The following ARGLU1 variants were observed in gnomAD, a reference collection of about 807,000 sequenced individuals.
The protein encoded by ARGLU1 is arginine and glutamate rich 1.
Under a neutral mutation model 37.6 loss-of-function variants are expected in ARGLU1, and 9 were observed. The ratio of observed to expected loss-of-function variants is 0.24; its 90% CI spans 0.14 to 0.42. The LOEUF is 0.42. ARGLU1 is among the 10% of genes least tolerant of loss of function. ARGLU1 has a pLI of 1.00. For synonymous variants in ARGLU1, 166 were observed against 138.5 expected, an observed-to-expected ratio of 1.20 and a Z score of -1.39; for missense variants, 211 against 359.2, an observed-to-expected ratio of 0.59 and a Z score of 3.34.
chr13:106,543,669 AGTC>A lies in ARGLU1; in HGVS notation c.*324_*326del, dbSNP rs1880318035. ...TGTAGCAAACAGAGTATAACTCTGAAGTCAGTGGGGTCAGTAAAAGCCTTATCA... is the reference window on the plus strand; with the variant it reads ...TGTAGCAAACAGAGTATAACTCTGAAAGTGGGGTCAGTAAAAGCCTTATCA... On this transcript the variant is annotated 3_prime_UTR_variant, in exon 4 of 4. Coordinates refer to ENST00000400198, the MANE Select transcript of ARGLU1 (RefSeq NM_018011.4). The A allele has an allele frequency of 5.5e-6, 1 of 182,226 alleles. No homozygotes were observed. Among genetic ancestry groups the A allele is most frequent in the African/African-American group, 2.4e-5 (1 of 42,506 alleles). 11.3% of individuals were successfully genotyped at this position (182,226 alleles called of 1,614,324 possible).
At position 106,568,011 on chromosome 13, in the gene ARGLU1, C is replaced by A. The variant is rs1881025612; in HGVS notation, c.-92G>T. The A allele has an allele frequency of 1.3e-5, 19 of 1,481,838 alleles. No individual in the cohort carries two copies. The highest frequency in any genetic ancestry group is 1.7e-5 in the Non-Finnish European group (19 of 1,126,344). 91.8% of individuals were successfully genotyped at this position (1,481,838 alleles called of 1,614,324 possible). A position where few individuals can be genotyped will look rare whatever the true frequency, so the allele number is the denominator to read the frequency against. On this transcript the variant is annotated 5_prime_UTR_variant, in exon 1 of 4. Coordinates refer to ENST00000400198, the MANE Select transcript of ARGLU1 (RefSeq NM_018011.4). ...CTTCGGACGCGGGCTGGCGGTTCTACCGAGGCCGGAGGAAAGAAAGGTGTC... is the reference window on the plus strand; with the variant it reads ...CTTCGGACGCGGGCTGGCGGTTCTAACGAGGCCGGAGGAAAGAAAGGTGTC...
intron 3 of ARGLU1, among the ~76,000 whole-genome samples, chr13:106,548,376 A>C (rs1018639697): frequency 6.6e-6 from 1 of 152,174 alleles, no homozygotes; most frequent in Non-Finnish European, 1.5e-5. Flanking sequence ...GACTTGCCGG[A>C]GAATACAACC....
In ARGLU1 at chr13:106,558,222, AT is replaced by A. The variant is rs1455826215; in HGVS notation, c.574-1092del. On this transcript the variant is annotated intron_variant, in intron 2 of 3. Transcript: ENST00000400198. ...ACAAGACAGCACCATTACTCCAAAA[AT>A]ATCTTCATTATTAAAAGCACTGATA... is the stretch of plus-strand genomic sequence containing the variant. The A allele has an allele frequency of 6.1e-6, 6 of 984,780 alleles. No homozygotes were observed. The African/African-American group carries it at 7.0e-5, about 11-fold the overall frequency. The allele number at this position is 984,780 out of a possible 1,614,324, so 61.0% of individuals were successfully genotyped here.
At chr13:106,559,864 T>TC (rs1880749389) in intron 1 of ARGLU1, among the ~76,000 whole-genome samples, 1 of 152,218 alleles carries the variant, frequency 6.6e-6, no homozygotes, top group Non-Finnish European at 1.5e-5. Context: ...AATCTTTTTT[T>TC]CCTTTATCAT....
At position 106,557,842 on chromosome 13, in the gene ARGLU1, G is replaced by A; in HGVS notation, c.574-711C>T. 8.2e-7 allele frequency: 1 copy of A among 1,223,518 alleles called. No homozygotes were observed. The highest frequency in any genetic ancestry group is 1.0e-6 in the Non-Finnish European group (1 of 980,376). 75.8% of individuals were successfully genotyped at this position (1,223,518 alleles called of 1,614,324 possible). A position where few individuals can be genotyped will look rare whatever the true frequency, so the allele number is the denominator to read the frequency against. ...TAATCCATACTTCATGGAACTACGG[G>A]CTTCTTCCATGGGGAAAATGGACTT... On this transcript the variant is annotated intron_variant, in intron 2 of 3. Transcript: ENST00000400198. The surrounding 1 kb of genome is among the most constrained non-coding windows in gnomAD (Gnocchi z 5.0).
At chr13:106,551,478 T>C (rs543403139) in intron 3 of ARGLU1, among the ~76,000 whole-genome samples, 2 of 152,364 alleles carry the variant, frequency 1.3e-5, no homozygotes, top group Admixed American at 1.3e-4. Context: ...ATCCATATTT[T>C]TGCCAACAGT....
chr13:106,556,727 C>T (rs1040295401), intron 3 of ARGLU1, among the ~76,000 whole-genome samples: 3 of 152,050 alleles, frequency 2.0e-5, no homozygotes, highest in African/African-American at 7.2e-5. Context: ...AAATATACCC[C>T]CAAGCTTTTG....
chr13:106,562,792 C>T (rs1237541057), intron 1 of ARGLU1, among the ~76,000 whole-genome samples: 1 of 151,536 alleles, frequency 6.6e-6, no homozygotes, highest in Non-Finnish European at 1.5e-5. Flanking sequence ...GAGATCGAGA[C>T]CATCCTGGCT....
intron 3 of ARGLU1, among the ~76,000 whole-genome samples, chr13:106,549,414 T>C (rs1479012507): frequency 6.6e-6 from 1 of 152,198 alleles, no homozygotes; most frequent in African/African-American, 2.4e-5. Context: ...CATAACTTTT[T>C]AAATGTATAT....
intron 3 of ARGLU1, among the ~76,000 whole-genome samples, chr13:106,552,816 A>C (rs1038974225): frequency 1.3e-5 from 2 of 152,236 alleles, no homozygotes; most frequent in Admixed American, 6.5e-5. Context: ...AGCCAAGTCA[A>C]GTCATATTTG....
At chr13:106,550,922 C>A (rs938249283) in intron 3 of ARGLU1, among the ~76,000 whole-genome samples, 1 of 152,106 alleles carries the variant, frequency 6.6e-6, no homozygotes, top group African/African-American at 2.4e-5. Context: ...TTTTTCAGTA[C>A]CAGTTGGCAG....
At chr13:106,558,584 T>A in intron 2 of ARGLU1, 1 of 985,438 alleles carries the variant, frequency 1.0e-6, no homozygotes, top group Non-Finnish European at 1.2e-6. Flanking sequence ...TTTCAGTGAC[T>A]TTCACCAAGT....
chr13:106,557,839 C>T lies in ARGLU1; in HGVS notation c.574-708G>A, dbSNP rs759831014. On this transcript the variant is annotated intron_variant, in intron 2 of 3. Coordinates refer to ENST00000400198, the MANE Select transcript of ARGLU1 (RefSeq NM_018011.4). This position sits in a 1 kb window ranked among gnomAD's most constrained non-coding sequence, Gnocchi z 5.0. ...TGGTAATCCATACTTCATGGAACTA[C>T]GGGCTTCTTCCATGGGGAAAATGGA... 22 of 1,223,628 alleles carry T rather than the reference C, an allele frequency of 1.8e-5. No individual in the cohort carries two copies. The highest frequency in any genetic ancestry group is 6.7e-5 in the East Asian group (2 of 29,886). The allele number at this position is 1,223,628 out of a possible 1,614,324, so 75.8% of individuals were successfully genotyped here.
chr13:106,565,671 T>C (rs1880942365), intron 1 of ARGLU1, among the ~76,000 whole-genome samples: 1 of 152,220 alleles, frequency 6.6e-6, no homozygotes, highest in South Asian at 2.1e-4. Flanking sequence ...AGTCTTTCCA[T>C]TGTTTCTTTT....
Position 106,543,978 on chromosome 13 carries a change from A to C in ARGLU1, c.*18T>G. ...AAGTTTTTCCATTTTTCTTTGTAAA[A>C]AGTTCAGAGTTTGCAATTTAATCCT... On this transcript the variant is annotated 3_prime_UTR_variant, in exon 4 of 4. Coordinates refer to ENST00000400198, the MANE Select transcript of ARGLU1 (RefSeq NM_018011.4). 1 of 1,564,622 alleles carries C rather than the reference A, an allele frequency of 6.4e-7. No individual in the cohort carries two copies. The highest frequency in any genetic ancestry group is 1.2e-5 in the South Asian group (1 of 81,162).
At chr13:106,560,833 T>C (rs1880781719) in intron 1 of ARGLU1, among the ~76,000 whole-genome samples, 1 of 152,196 alleles carries the variant, frequency 6.6e-6, no homozygotes, top group African/African-American at 2.4e-5. Context: ...TCCATATATA[T>C]GAGAATCATT....
intron 1 of ARGLU1, among the ~76,000 whole-genome samples, chr13:106,564,750 A>G (rs1379003196): frequency 6.6e-6 from 1 of 152,204 alleles, no homozygotes; most frequent in Admixed American, 6.5e-5. Context: ...CTTCAGTCTC[A>G]CATGATCAAG....
At chr13:106,556,941 C>T (rs1880674651) in intron 3 of ARGLU1, 107 bp downstream of exon 3, 1 of 898,224 alleles carries the variant, frequency 1.1e-6, no homozygotes, top group Non-Finnish European at 1.8e-6. Context: ...TCCTGAGAAT[C>T]CCCCCAAAAT....
At position 106,558,605 on chromosome 13, in the gene ARGLU1, T is replaced by C. The variant is rs117347561; in HGVS notation, c.573+827A>G. ...TGACTTTCACCAAGTTTTTGGATCC[T>C]GGAGTAATCAGTGCAAACAAGCCAT... On this transcript the variant is annotated intron_variant, in intron 2 of 3. Transcript: ENST00000400198. The C allele has an allele frequency of 1.2e-3, 1,150 of 985,418 alleles. 50 individuals carry two copies. In the East Asian group the frequency reaches 0.098, roughly 84 times the overall value. 61.0% of individuals were successfully genotyped at this position (985,418 alleles called of 1,614,324 possible). A position where few individuals can be genotyped will look rare whatever the true frequency, so the allele number is the denominator to read the frequency against.
Sources: allele counts gnomAD v4.1 joint callset (sites outside exome capture counted in the v4.1 genomes callset), GRCh38; gene constraint gnomAD v4.1.1; non-coding constraint Gnocchi (gnomAD v3.1); transcripts MANE v1.5; gene names NCBI Gene and HGNC (gene_info 2026-07-23, HGNC 2026-07-21).